INPP4B: variants seen among roughly 807,000 people sequenced by gnomAD.
INPP4B encodes the protein inositol polyphosphate 4-phosphatase type II.
A neutral mutation model predicts 122.5 loss-of-function variants in INPP4B; 55 were observed. The observed-to-expected ratio is 0.45, with a 90% CI of 0.36 to 0.56. The LOEUF (loss-of-function observed/expected upper bound fraction) is 0.56, where lower values mean the gene tolerates loss of function less well. INPP4B is among the 20% of genes least tolerant of loss of function. INPP4B has a pLI of 0.00. For missense variants in INPP4B, 1,000 were observed against 1,097.7 expected, an observed-to-expected ratio of 0.91 and a Z score of 1.26; for synonymous variants, 403 against 388.7, an observed-to-expected ratio of 1.04 and a Z score of -0.43.
rs56945961 is a variant in INPP4B at position 142,244,287 on chromosome 4, C to CTTTTT, written c.689-6281_689-6277dup. On this transcript the variant is annotated intron_variant, in intron 11 of 25. Transcript: ENST00000262992. ...ATGGTATTCCATGGTGTATATGTGC[C>CTTTTT]TTTTTTTTTTTTTTTTTTTTTTTTT... is the stretch of plus-strand genomic sequence containing the variant. Among the ~76,000 whole-genome samples the CTTTTT allele has an allele frequency of 1.9e-4, 14 of 73,762 alleles. 1 individual carries two copies. Among genetic ancestry groups the CTTTTT allele is most frequent in the African/African-American group, 7.2e-4 (13 of 18,176 alleles). The allele number at this position is 73,762 out of a possible 152,430, so 48.4% of individuals were successfully genotyped here. A position where few individuals can be genotyped will look rare whatever the true frequency, so the allele number is the denominator to read the frequency against.
At chr4:142,716,467 T>C (rs1283593599) in intron 2 of INPP4B, among the ~76,000 whole-genome samples, 1 of 152,226 alleles carries the variant, frequency 6.6e-6, no homozygotes, top group Admixed American at 6.5e-5. Flanking sequence ...AATTTTTAAC[T>C]GTTGCATTAT....
chr4:142,306,488 C>G (rs1054363083), intron 8 of INPP4B, among the ~76,000 whole-genome samples: 1 of 152,132 alleles, frequency 6.6e-6, no homozygotes, highest in African/African-American at 2.4e-5. Flanking sequence ...CATCATAGGT[C>G]TGCTGCTGAG....
rs572960909 is a variant in INPP4B, at chr4:142,730,970, T to G, written c.-253-5069A>C. ...TGCCGCACCAAGTTTTTTTTTAAAT[T>G]TAATTTTACTTTATTTTAAGTTCCA... On this transcript the variant is annotated intron_variant, in intron 1 of 25. Coordinates refer to ENST00000262992, the MANE Select transcript of INPP4B (RefSeq NM_001101669.3). Among the ~76,000 whole-genome samples the G allele has an allele frequency of 3.3e-5, 5 of 152,296 alleles. No individual in the cohort carries two copies. The South Asian group carries it at 1.0e-3, about 32-fold the overall frequency.
At chr4:142,187,599 A>G (rs866284473) in intron 15 of INPP4B, among the ~76,000 whole-genome samples, 2 of 148,742 alleles carry the variant, frequency 1.3e-5, no homozygotes, top group South Asian at 2.1e-4. Context: ...ACAGACACAC[A>G]TTTTTTTTTT....
At chr4:142,549,957 T>C (rs951899949) in intron 2 of INPP4B, among the ~76,000 whole-genome samples, 2 of 152,106 alleles carry the variant, frequency 1.3e-5, no homozygotes, top group African/African-American at 4.8e-5. Flanking sequence ...CCTCGTGTAT[T>C]AGGAGGAGGG....
intron 2 of INPP4B, among the ~76,000 whole-genome samples, chr4:142,590,394 A>C (rs1026483626): frequency 2.0e-5 from 3 of 152,234 alleles, no homozygotes; most frequent in Non-Finnish European, 2.9e-5. Context: ...GCAACTTTGC[A>C]AATGTGTTTA....
chr4:142,257,120 A>G (rs1017612957), intron 11 of INPP4B, among the ~76,000 whole-genome samples: 1 of 152,150 alleles, frequency 6.6e-6, no homozygotes, highest in Non-Finnish European at 1.5e-5. Flanking sequence ...GATTATCTCA[A>G]TAGATGCAGA....
intron 10 of INPP4B, 129 bp from the exon 11 acceptor site, chr4:142,260,693 A>G: frequency 1.6e-6 from 1 of 629,994 alleles, no homozygotes; most frequent in Non-Finnish European, 2.8e-6. Flanking sequence ...TACTTTTTAA[A>G]AACTATTTCT....
chr4:142,210,147 C>A (rs985387575), intron 12 of INPP4B, among the ~76,000 whole-genome samples: 1 of 152,162 alleles, frequency 6.6e-6, no homozygotes, highest in Non-Finnish European at 1.5e-5. Context: ...AATGAAGCTT[C>A]TTTGCTATTT....
At chr4:142,817,827 C>T (rs1780300666) in intron 1 of INPP4B, among the ~76,000 whole-genome samples, 1 of 152,116 alleles carries the variant, frequency 6.6e-6, no homozygotes, top group African/African-American at 2.4e-5. Context: ...AACATCTAAA[C>T]CTACTTTATA....
intron 7 of INPP4B, among the ~76,000 whole-genome samples, chr4:142,334,587 C>G (rs1208575283): frequency 2.6e-5 from 4 of 152,162 alleles, no homozygotes; most frequent in Non-Finnish European, 5.9e-5. Flanking sequence ...ACAGGGTTCC[C>G]TATTCTCCAC....
chr4:142,307,487 T>A (rs1209944689), intron 8 of INPP4B, among the ~76,000 whole-genome samples: 1 of 152,184 alleles, frequency 6.6e-6, no homozygotes, highest in African/African-American at 2.4e-5. Flanking sequence ...TGGTACATAT[T>A]TACTGACAAT....
rs190351229 is a variant in INPP4B at position 142,466,619 on chromosome 4, G to A, written c.-190-3893C>T. On this transcript the variant is annotated intron_variant, in intron 2 of 25. Coordinates refer to ENST00000262992, the MANE Select transcript of INPP4B (RefSeq NM_001101669.3). ...ATTTTTGAGAAAATGTATTGAAGCA[G>A]GCTGCAGAGCAACTACTTGCTAGAG... Among the ~76,000 whole-genome samples the A allele has an allele frequency of 1.5e-4, 23 of 152,326 alleles. No individual in the cohort carries two copies. In the East Asian group the frequency reaches 3.9e-3, roughly 26 times the overall value.
Position 142,048,680 on chromosome 4 carries a change from G to A in INPP4B, c.2643-19766C>T, listed in dbSNP as rs563712608. 3.3e-5 allele frequency among the ~76,000 whole-genome samples: 5 copies of A among 152,156 alleles called. No individual in the cohort carries two copies. The South Asian group carries it at 1.0e-3, about 32-fold the overall frequency. On this transcript the variant is annotated intron_variant, in intron 25 of 25. Coordinates refer to ENST00000262992, the MANE Select transcript of INPP4B (RefSeq NM_001101669.3). The stretch of plus-strand genomic sequence containing the variant: ...TGCTCTGATAAAGGGATGAGCAGAT[G>A]AGGTGGGCAACCAGCAGAGGCAAAA...
intron 2 of INPP4B, among the ~76,000 whole-genome samples, chr4:142,485,460 G>A (rs956635510): frequency 2.0e-5 from 3 of 152,104 alleles, no homozygotes; most frequent in Admixed American, 2.0e-4. Context: ...AGCTAAGAAG[G>A]AAAATAATTC....
chr4:142,559,765 T>C (rs945894226), intron 2 of INPP4B, among the ~76,000 whole-genome samples: 1 of 152,208 alleles, frequency 6.6e-6, no homozygotes, highest in African/African-American at 2.4e-5. Context: ...ACTCTCAATG[T>C]ATAAATTGAA....
Position 142,025,844 on chromosome 4 carries a change from C to G in INPP4B, c.*2938G>C, listed in dbSNP as rs1033689497. On this transcript the variant is annotated 3_prime_UTR_variant, in exon 26 of 26. Coordinates refer to ENST00000262992, the MANE Select transcript of INPP4B (RefSeq NM_001101669.3). ...TCACTTGGAACAAATGGTTGCTCGA[C>G]TCACTGAATTATGAGGCTGACCAAA... 16 of 152,136 alleles carry G rather than the reference C, an allele frequency of 1.1e-4. No individual in the cohort carries two copies. The highest frequency in any genetic ancestry group is 3.9e-4 in the African/African-American group (16 of 41,436). The allele number at this position is 152,136 out of a possible 1,614,324, so 9.4% of individuals were successfully genotyped here.
intron 1 of INPP4B, among the ~76,000 whole-genome samples, chr4:142,748,775 A>C (rs1769181086): frequency 6.6e-6 from 1 of 152,048 alleles, no homozygotes; most frequent in South Asian, 2.1e-4. Flanking sequence ...GAAAAACAAA[A>C]AGTACAAGGG....
intron 14 of INPP4B, among the ~76,000 whole-genome samples, chr4:142,196,662 A>G (rs1838346025): frequency 6.6e-6 from 1 of 152,090 alleles, no homozygotes; most frequent in Admixed American, 6.5e-5. Flanking sequence ...TGCATCCACA[A>G]TGCAGTAGTT....
Sources: allele counts gnomAD v4.1 joint callset (sites outside exome capture counted in the v4.1 genomes callset), GRCh38; gene constraint gnomAD v4.1.1; transcripts MANE v1.5; gene names NCBI Gene and HGNC (gene_info 2026-07-23, HGNC 2026-07-21).